UNC13C: variants seen among roughly 807,000 people sequenced by gnomAD.
The protein encoded by UNC13C is unc-13 homolog C.
UNC13C carries 174 observed loss-of-function variants against 245.4 expected under a neutral mutation model. The ratio of observed to expected loss-of-function variants is 0.71; its 90% CI spans 0.63 to 0.80. The LOEUF (loss-of-function observed/expected upper bound fraction) is 0.80, where lower values mean the gene tolerates loss of function less well. UNC13C is among the 30% of genes least tolerant of loss of function. UNC13C has a pLI of 0.00. For missense variants in UNC13C, 2,829 were observed against 2,602.9 expected (o/e 1.09, Z -1.89); for synonymous variants, 992 against 895.1 (o/e 1.11, Z -1.93).
At chr15:54,590,662 A>T (rs964049781) in intron 30 of UNC13C, among the ~76,000 whole-genome samples, 8 of 152,228 alleles carry the variant, frequency 5.3e-5, no homozygotes, top group African/African-American at 1.9e-4. Context: ...AACTTTGCTG[A>T]ATTCCTTTAC....
At chr15:54,058,717 A>G (rs1410696126) in intron 2 of UNC13C, among the ~76,000 whole-genome samples, 1 of 152,208 alleles carries the variant, frequency 6.6e-6, no homozygotes, top group African/African-American at 2.4e-5. Flanking sequence ...CCTCAATAAA[A>G]TACTGGCAAA....
At chr15:53,865,717 T>C in the UNC13C span, among the ~76,000 whole-genome samples, 2 of 152,136 alleles carry the variant, frequency 1.3e-5, no homozygotes, top group Admixed American at 1.3e-4. Context: ...AATTTAATAA[T>C]CAATAAAAAT....
the UNC13C span, among the ~76,000 whole-genome samples, chr15:53,938,168 G>A: frequency 6.6e-6 from 1 of 151,368 alleles, no homozygotes; most frequent in Admixed American, 6.6e-5. Context: ...ACATAATAAA[G>A]GGATGCAGGA....
At chr15:54,572,574 C>T (rs537393450) in intron 30 of UNC13C, among the ~76,000 whole-genome samples, 8 of 151,634 alleles carry the variant, frequency 5.3e-5, no homozygotes, top group South Asian at 2.1e-4. Flanking sequence ...TATAGGTGCA[C>T]GCCACCATGC....
intron 19 of UNC13C, among the ~76,000 whole-genome samples, chr15:54,471,672 A>G (rs1222877570): frequency 6.6e-6 from 1 of 151,462 alleles, no homozygotes; most frequent in Non-Finnish European, 1.5e-5. Context: ...GGCCTAACAT[A>G]TGATCTATCT....
intron 2 of UNC13C, among the ~76,000 whole-genome samples, chr15:54,127,387 G>T (rs2031115138): frequency 6.6e-6 from 1 of 152,076 alleles, no homozygotes; most frequent in African/African-American, 2.4e-5. Flanking sequence ...AAAAAAGGAT[G>T]AGTTCATGAC....
chr15:54,279,286 C>T (rs1325684307), intron 10 of UNC13C, among the ~76,000 whole-genome samples: 1 of 152,092 alleles, frequency 6.6e-6, no homozygotes, highest in African/African-American at 2.4e-5. Flanking sequence ...AACATTTGCT[C>T]CGTTTGAGAT....
At chr15:54,363,397 C>T (rs1347121188) in intron 17 of UNC13C, among the ~76,000 whole-genome samples, 1 of 152,198 alleles carries the variant, frequency 6.6e-6, no homozygotes, top group Non-Finnish European at 1.5e-5. Flanking sequence ...GTGTGAGCCA[C>T]CTCACCCAGT....
At chr15:54,375,252 G>C (rs1237192304) in intron 17 of UNC13C, among the ~76,000 whole-genome samples, 2 of 152,152 alleles carry the variant, frequency 1.3e-5, no homozygotes, top group Non-Finnish European at 2.9e-5. Flanking sequence ...CAAATGAAAG[G>C]TTTATTCAAA....
At chr15:53,857,167 T>C in the UNC13C span, among the ~76,000 whole-genome samples, 1 of 152,120 alleles carries the variant, frequency 6.6e-6, no homozygotes, top group African/African-American at 2.4e-5. Context: ...CATGAATCTT[T>C]TTCCACCATG....
intron 2 of UNC13C, among the ~76,000 whole-genome samples, chr15:54,060,853 C>G (rs1468830977): frequency 6.6e-6 from 1 of 151,734 alleles, no homozygotes; most frequent in Non-Finnish European, 1.5e-5. Flanking sequence ...TCATTCTCAG[C>G]AAACTATCAC....
intron 30 of UNC13C, among the ~76,000 whole-genome samples, chr15:54,588,109 C>T (rs192841579): frequency 1.3e-5 from 2 of 152,222 alleles, no homozygotes; most frequent in East Asian, 1.9e-4. Flanking sequence ...ACACCCTTCC[C>T]CTGACCAGCA....
chr15:53,944,159 A>G, the UNC13C span, among the ~76,000 whole-genome samples: 1 of 152,148 alleles, frequency 6.6e-6, no homozygotes, highest in Non-Finnish European at 1.5e-5. Context: ...CTGCCATCTA[A>G]GATGCCTCCA....
At position 54,271,454 on chromosome 15, in the gene UNC13C, A is replaced by G. The variant is rs1292260185; in HGVS notation, c.3818+5958A>G. 1.3e-5 allele frequency among the ~76,000 whole-genome samples: 2 copies of G among 152,190 alleles called. 1 individual carries two copies. Among genetic ancestry groups the G allele is most frequent in the African/African-American group, 4.8e-5 (2 of 41,460 alleles). On this transcript the variant is annotated intron_variant, in intron 10 of 32. Coordinates refer to ENST00000260323, the MANE Select transcript of UNC13C (RefSeq NM_001080534.3). ...TATGCTTATCATAAACCATTCCCTC[A>G]GGAGGAAAACAAGTAAGTCTCTCTC...
At chr15:54,006,211 C>T (rs1895129743) in intron 1 of UNC13C, among the ~76,000 whole-genome samples, 1 of 151,998 alleles carries the variant, frequency 6.6e-6, no homozygotes, top group Admixed American at 6.6e-5. Flanking sequence ...GTACTCAGTG[C>T]CATTGTTTAC....
At chr15:54,019,242 T>C (rs1425669678) in intron 2 of UNC13C, among the ~76,000 whole-genome samples, 1 of 152,216 alleles carries the variant, frequency 6.6e-6, no homozygotes, top group Non-Finnish European at 1.5e-5. Context: ...TTTGGCTATT[T>C]AGAGCAGCAG....
intron 17 of UNC13C, among the ~76,000 whole-genome samples, chr15:54,376,398 C>T (rs2039607570): frequency 6.6e-6 from 1 of 152,016 alleles, no homozygotes; most frequent in East Asian, 1.9e-4. Flanking sequence ...ACACCTGAAA[C>T]ATAGCCAGAA....
At chr15:54,086,034 G>T (rs1899220966) in intron 2 of UNC13C, among the ~76,000 whole-genome samples, 2 of 152,086 alleles carry the variant, frequency 1.3e-5, no homozygotes, top group Non-Finnish European at 2.9e-5. Flanking sequence ...GATCATCTGG[G>T]TATTTATCAC....
intron 19 of UNC13C, among the ~76,000 whole-genome samples, chr15:54,457,103 A>T (rs1891574471): frequency 6.6e-6 from 1 of 152,124 alleles, no homozygotes; most frequent in African/African-American, 2.4e-5. Flanking sequence ...GCTGGATTTT[A>T]TCAAATTCTA....
Sources: allele counts gnomAD v4.1 joint callset (sites outside exome capture counted in the v4.1 genomes callset), GRCh38; gene constraint gnomAD v4.1.1; transcripts MANE v1.5; gene names NCBI Gene and HGNC (gene_info 2026-07-23, HGNC 2026-07-21).